PLEKHA5: variants seen among roughly 807,000 people sequenced by gnomAD.
PLEKHA5 encodes pleckstrin homology domain-containing family A member 5.
Under a neutral mutation model 181.9 loss-of-function variants are expected in PLEKHA5, and 55 were observed. The observed-to-expected ratio is 0.30, with a 90% CI of 0.24 to 0.38. The LOEUF is 0.38. Among genes scored for constraint, PLEKHA5 ranks in the 10% least tolerant of loss-of-function variants. The pLI is 1.00. For missense variants in PLEKHA5, 1,432 were observed against 1,549.5 expected, an observed-to-expected ratio of 0.92 and a Z score of 1.27; for synonymous variants, 535 against 529.4, an observed-to-expected ratio of 1.01 and a Z score of -0.15.
At chr12:19,285,876 A>G (rs1051758500) in intron 12 of PLEKHA5, among the ~76,000 whole-genome samples, 1 of 152,242 alleles carries the variant, frequency 6.6e-6, no homozygotes, top group African/African-American at 2.4e-5. Context: ...GTTGTCTCAC[A>G]GTAAAACACA....
chr12:19,311,064 T>C (rs913730101), intron 15 of PLEKHA5, among the ~76,000 whole-genome samples: 19 of 152,080 alleles, frequency 1.2e-4, no homozygotes, highest in African/African-American at 4.6e-4. Context: ...CAATTGACTC[T>C]TCTTTTCACG....
chr12:19,249,114 C>T (rs1000348328), intron 3 of PLEKHA5, among the ~76,000 whole-genome samples: 4 of 152,162 alleles, frequency 2.6e-5, no homozygotes. Context: ...AGGAAGATCA[C>T]TTGAGCCCAG....
rs2095696585 is a variant in PLEKHA5, at chr12:19,375,574, A to G, written c.*55A>G. 1 of 152,594 alleles carries G rather than the reference A, an allele frequency of 6.6e-6. No individual in the cohort carries two copies. Among genetic ancestry groups the G allele is most frequent in the African/African-American group, 2.4e-5 (1 of 41,436 alleles). The allele number at this position is 152,594 out of a possible 1,614,324, so 9.5% of individuals were successfully genotyped here. A position where few individuals can be genotyped will look rare whatever the true frequency, so the allele number is the denominator to read the frequency against. ...AAACCATTCAAAGCTAAAGACATGGACCTTCAGCAGTGTAAGAAGATATTG... is the reference window on the plus strand; with the variant it reads ...AAACCATTCAAAGCTAAAGACATGGGCCTTCAGCAGTGTAAGAAGATATTG... On this transcript the variant is annotated 3_prime_UTR_variant, in exon 32 of 32. Transcript: ENST00000429027.
rs538744929 is a variant in PLEKHA5, at chr12:19,212,844, T to G, written c.228-41096T>G. ...TGGGTTTTTTTTTGTTGTTTTTTTTTTTTTTTTAATTTCAGGCTCCCGGAG... is the reference window on the plus strand; with the variant it reads ...TGGGTTTTTTTTTGTTGTTTTTTTTGTTTTTTTAATTTCAGGCTCCCGGAG... On this transcript the variant is annotated intron_variant, in intron 3 of 31. Coordinates refer to ENST00000429027, the MANE Select transcript of PLEKHA5 (RefSeq NM_001256470.2). Among the ~76,000 whole-genome samples the G allele has an allele frequency of 4.0e-5, 6 of 151,140 alleles. No homozygotes were observed. In the East Asian group the frequency reaches 1.2e-3, roughly 29 times the overall value.
chr12:19,291,676 C>T lies in PLEKHA5; in HGVS notation c.2016C>T (p.Asn672=), dbSNP rs2078491754. The change falls in exon 15 of 32, where the codon AAC becomes AAT. Residue 672 remains asparagine, a synonymous_variant. Coordinates refer to ENST00000429027, the MANE Select transcript of PLEKHA5 (RefSeq NM_001256470.2). ...NEILSHHLQR[N]TIYLDHQMKE... ...TTCTTTCACATCATCTCCAAAGGAA[C>T]ACCATATATTTGGATCATCAGGTGG... The T allele has an allele frequency of 6.6e-7, 1 of 1,515,440 alleles. No homozygotes were observed. The highest frequency in any genetic ancestry group is 8.9e-7 in the Non-Finnish European group (1 of 1,129,300). The allele number at this position is 1,515,440 out of a possible 1,614,324, so 93.9% of individuals were successfully genotyped here. A position where few individuals can be genotyped will look rare whatever the true frequency, so the allele number is the denominator to read the frequency against.
intron 8 of PLEKHA5, 136 bp from the exon 9 acceptor site, chr12:19,269,634 T>C: frequency 1.9e-6 from 1 of 515,218 alleles, no homozygotes; most frequent in Non-Finnish European, 3.5e-6. Context: ...CATTTCCATA[T>C]CTCAGGTAAA....
At chr12:19,364,519 A>AT (rs1005000356) in intron 29 of PLEKHA5, among the ~76,000 whole-genome samples, 18 of 151,602 alleles carry the variant, frequency 1.2e-4, no homozygotes, top group African/African-American at 3.1e-4. Flanking sequence ...TCAAAAAAAA[A>AT]ATATATATGT....
intron 15 of PLEKHA5, among the ~76,000 whole-genome samples, chr12:19,305,073 A>C (rs1192905026): frequency 6.6e-6 from 1 of 152,222 alleles, no homozygotes; most frequent in Non-Finnish European, 1.5e-5. Flanking sequence ...CTTGAAACAA[A>C]TAAGCAGGAG....
chr12:19,345,317 T>C (rs1488175356), intron 22 of PLEKHA5, among the ~76,000 whole-genome samples: 1 of 151,172 alleles, frequency 6.6e-6, no homozygotes, highest in Non-Finnish European at 1.5e-5. Context: ...GAAGAATTGC[T>C]TGAACCTGGG....
intron 31 of PLEKHA5, chr12:19,372,766 T>G: frequency 6.6e-6 from 1 of 151,806 alleles, no homozygotes; most frequent in Non-Finnish European, 1.5e-5. Context: ...TTTTCTTTTT[T>G]CTTTTTTCTT....
At chr12:19,326,437 G>C (rs2153068197) in intron 20 of PLEKHA5, among the ~76,000 whole-genome samples, 1 of 152,254 alleles carries the variant, frequency 6.6e-6, no homozygotes, top group East Asian at 1.9e-4. Flanking sequence ...CCAAGCATAA[G>C]GGGTATAACA....
At chr12:19,356,662 C>CTTTTTTTT (rs57809332) in intron 26 of PLEKHA5, among the ~76,000 whole-genome samples, 5 of 99,820 alleles carry the variant, frequency 5.0e-5, no homozygotes, top group Non-Finnish European at 9.0e-5. Context: ...AGTTGTTTTT[C>CTTTTTTTT]TTTTTTTTTT....
intron 3 of PLEKHA5, among the ~76,000 whole-genome samples, chr12:19,147,596 C>CTTT (rs71064060): frequency 7.3e-6 from 1 of 137,612 alleles, no homozygotes; most frequent in African/African-American, 2.6e-5. Context: ...TTTCTTTTTT[C>CTTT]TTTTTTTTTT....
At chr12:19,346,613 G>A (rs949554905) in intron 23 of PLEKHA5, among the ~76,000 whole-genome samples, 4 of 152,052 alleles carry the variant, frequency 2.6e-5, no homozygotes, top group East Asian at 1.9e-4. Flanking sequence ...GCACTATAGC[G>A]AGACCCCATC....
intron 3 of PLEKHA5, among the ~76,000 whole-genome samples, chr12:19,228,489 C>T (rs982624219): frequency 6.6e-6 from 1 of 152,138 alleles, no homozygotes; most frequent in African/African-American, 2.4e-5. Flanking sequence ...GCAAAATGAG[C>T]TCTAATTATA....
intron 15 of PLEKHA5, among the ~76,000 whole-genome samples, chr12:19,302,628 C>A (rs1458635617): frequency 6.6e-6 from 1 of 151,920 alleles, no homozygotes; most frequent in Non-Finnish European, 1.5e-5. Context: ...AACTCCTGAC[C>A]TCAAGTGGTC....
At chr12:19,133,433 A>G (rs1160954028) in intron 3 of PLEKHA5, among the ~76,000 whole-genome samples, 3 of 151,980 alleles carry the variant, frequency 2.0e-5, no homozygotes, top group African/African-American at 7.2e-5. Context: ...TTTAATTTTA[A>G]TAAACTGAGA....
chr12:19,161,384 G>A lies in PLEKHA5; in HGVS notation c.227+28934G>A, dbSNP rs114954889. ...TGTCATAAAACTTCTATCTGAATTG[G>A]AGAAAATACGTTCTCCAAAAATATT... On this transcript the variant is annotated intron_variant, in intron 3 of 31. Transcript: ENST00000429027. Among the ~76,000 whole-genome samples, 1,060 of 152,186 alleles carry A rather than the reference G, an allele frequency of 7.0e-3. 9 individuals carry two copies. The highest frequency in any genetic ancestry group is 0.024 in the African/African-American group (999 of 41,510).
intron 17 of PLEKHA5, 100 bp from the exon 18 acceptor site, chr12:19,320,460 TTA>T: frequency 1.8e-6 from 1 of 550,824 alleles, no homozygotes; most frequent in Middle Eastern, 5.2e-4. Context: ...TCTATTTTTG[TTA>T]TGTTATATAT....
Sources: gnomAD v4.1 joint callset for allele counts (sites outside exome capture counted in the v4.1 genomes callset) on GRCh38, gnomAD v4.1.1 for gene constraint, MANE v1.5 for transcripts, NCBI Gene and HGNC (gene_info 2026-07-23, HGNC 2026-07-21) for gene names.